Variants in CDH3 observed in about 807,000 individuals in gnomAD.
The protein encoded by CDH3 is cadherin 3, also known as cadherin-3.
A neutral mutation model predicts 82.0 loss-of-function variants in CDH3; 54 were observed. The ratio of observed to expected loss-of-function variants is 0.66; its 90% CI spans 0.53 to 0.83. The LOEUF (loss-of-function observed/expected upper bound fraction) is 0.83, where lower values mean the gene tolerates loss of function less well. Ranked by LOEUF, CDH3 falls within the 40% of genes least tolerant of loss-of-function variation. The probability of loss-of-function intolerance (pLI) is 0.00; values close to 1 mark genes in which losing one functional copy is unlikely to be tolerated. For synonymous variants in CDH3, 446 were observed against 437.9 expected (o/e 1.02, Z -0.23); for missense variants, 1,054 against 1,084.6 (o/e 0.97, Z 0.40).
At position 68,686,759 on chromosome 16, in the gene CDH3, T is replaced by A. The variant is rs988726733; in HGVS notation, c.1571-753T>A. The A allele has an allele frequency of 6.2e-6, 4 of 647,900 alleles. No homozygotes were observed. In the African/African-American group the frequency reaches 7.2e-5, roughly 12 times the overall value. The allele number at this position is 647,900 out of a possible 1,614,324, so 40.1% of individuals were successfully genotyped here. The stretch of plus-strand genomic sequence containing the variant: ...TGAAGTTCTGAAACCTTTCATCATG[T>A]AAATAATTTCCATATTTCTCTCTTA... On this transcript the variant is annotated intron_variant, in intron 11 of 15. Coordinates refer to ENST00000264012, the MANE Select transcript of CDH3 (RefSeq NM_001793.6).
Position 68,678,312 on chromosome 16 carries a change from G to T in CDH3, c.390+35G>T, listed in dbSNP as rs1468000827. 1.9e-6 allele frequency: 3 copies of T among 1,612,184 alleles called. No individual in the cohort carries two copies. The East Asian group carries it at 6.7e-5, about 36-fold the overall frequency. On this transcript the variant is annotated intron_variant, in intron 4 of 15. Transcript: ENST00000264012. The stretch of plus-strand genomic sequence containing the variant: ...TGCCTTCTCCTGGGAAGCATTGGTG[G>T]CTCCAGGGACCCCCATCCAAAGGCC...
chr16:68,670,223 C>CAAA (rs71148932), intron 2 of CDH3, among the ~76,000 whole-genome samples: 4,426 of 90,844 alleles, frequency 0.049, 232 homozygotes, highest in African/African-American at 0.13. Flanking sequence ...GACTCTGTCT[C>CAAA]AAAAAAAAAA....
intron 2 of CDH3, among the ~76,000 whole-genome samples, chr16:68,659,801 A>AC (rs1289514913): frequency 1.3e-5 from 1 of 75,548 alleles, no homozygotes; most frequent in African/African-American, 5.2e-5. Context: ...ATCCTTGTAG[A>AC]CCCTTTTTTT....
At chr16:68,723,985 C>T (rs1165499529) in intron 2 of CDH3, among the ~76,000 whole-genome samples, 6 of 150,226 alleles carry the variant, frequency 4.0e-5, no homozygotes, top group African/African-American at 2.5e-5. Context: ...AGGAGAATGG[C>T]GTGAACCCGG....
At chr16:68,659,793 C>G (rs1052541471) in intron 2 of CDH3, among the ~76,000 whole-genome samples, 1 of 123,692 alleles carries the variant, frequency 8.1e-6, no homozygotes, top group Admixed American at 9.6e-5. Context: ...TTATAAGAAT[C>G]CTTGTAGACC....
chr16:68,685,855 A>G (rs1200950869), intron 11 of CDH3, among the ~76,000 whole-genome samples: 6 of 152,014 alleles, frequency 3.9e-5, no homozygotes, highest in Non-Finnish European at 7.4e-5. Context: ...CATGATTCCA[A>G]TTTCCCTAAA....
At chr16:68,729,018 T>C (rs554368095), downstream of CDH3, among the ~76,000 whole-genome samples, 3 of 152,178 alleles carry the variant, frequency 2.0e-5, no homozygotes, top group East Asian at 5.8e-4. Context: ...AAAAACAAAA[T>C]GCAGGGCTGG....
At position 68,695,266 on chromosome 16, in the gene CDH3, G is replaced by C; in HGVS notation, c.2014G>C (p.Val672Leu). 1 of 1,614,118 alleles carries C rather than the reference G, an allele frequency of 6.2e-7. No homozygotes were observed. Among genetic ancestry groups the C allele is most frequent in the Non-Finnish European group, 8.5e-7 (1 of 1,180,032 alleles). ...CCCAACCCTTGCAGTCCTCCTGCTG[G>C]TGCTGCTTTTGTTGGTGAGAAAGAA... is the stretch of plus-strand genomic sequence containing the variant. ...AVLALLFLLL[V>L]LLLLVRKKRK... Residue 672 changes from valine to leucine, a missense_variant, in exon 14 of 16, where the codon GTG (valine) becomes CTG (leucine). By Grantham distance (32) the Val-to-Leu change is conservative. Transcript: ENST00000264012.
chr16:68,652,628 C>G (rs988217921), intron 2 of CDH3, among the ~76,000 whole-genome samples: 2 of 152,066 alleles, frequency 1.3e-5, no homozygotes, highest in Admixed American at 1.3e-4. Flanking sequence ...GTGTGCAGCC[C>G]GATGAACATC....
intron 12 of CDH3, among the ~76,000 whole-genome samples, chr16:68,688,740 G>A (rs1013161154): frequency 4.6e-5 from 7 of 152,092 alleles, no homozygotes; most frequent in African/African-American, 1.2e-4. Flanking sequence ...AATTATCCCT[G>A]CCTGAGTAGC....
Position 68,649,624 on chromosome 16 carries a change from G to A in CDH3, c.160+3874G>A, listed in dbSNP as rs1007338921. 2.6e-5 allele frequency among the ~76,000 whole-genome samples: 4 copies of A among 152,290 alleles called. No individual in the cohort carries two copies. In the East Asian group the frequency reaches 5.8e-4, roughly 22 times the overall value. Reference sequence around the variant, plus strand: ...GTTTCACATTATCTCACGGTGCAGGGCCCCTGGGTAAGGGGGGTCCCTGTG... The same window carrying A: ...GTTTCACATTATCTCACGGTGCAGGACCCCTGGGTAAGGGGGGTCCCTGTG... On this transcript the variant is annotated intron_variant, in intron 2 of 15. Transcript: ENST00000264012.
chr16:68,705,958 G>A (rs563254839), intron 1 of CDH3, among the ~76,000 whole-genome samples: 3 of 150,930 alleles, frequency 2.0e-5, no homozygotes, highest in Admixed American at 6.6e-5. Context: ...CCAGCTACTC[G>A]GGAGGCTGAG....
chr16:68,650,757 G>A (rs1960218443), intron 2 of CDH3, among the ~76,000 whole-genome samples: 1 of 152,088 alleles, frequency 6.6e-6, no homozygotes, highest in African/African-American at 2.4e-5. Context: ...TCAGTCCATA[G>A]CCTGGACGTG....
intron 3 of CDH3, among the ~76,000 whole-genome samples, chr16:68,676,856 T>A (rs1430346899): frequency 6.6e-6 from 1 of 152,194 alleles, no homozygotes; most frequent in African/African-American, 2.4e-5. Context: ...AAGATACATC[T>A]GGGGTGCTTG....
rs571014742 is a variant in CDH3, at chr16:68,727,238, C to A, written c.*131C>A. Among the ~76,000 whole-genome samples, 32 of 152,314 alleles carry A rather than the reference C, an allele frequency of 2.1e-4. 1 individual carries two copies. The highest frequency in any genetic ancestry group is 7.5e-4 in the African/African-American group (31 of 41,576). On this transcript the variant is annotated 3_prime_UTR_variant, in exon 3 of 3. Coordinates refer to the CDH3 transcript ENST00000569080. ...CTCTGGGATTTGTACCAGCAGCCCC[C>A]CAGTGTTCTCAGGCCTTCAGCCTGG...
intron 2 of CDH3, among the ~76,000 whole-genome samples, chr16:68,650,070 G>T (rs1020376134): frequency 5.9e-5 from 9 of 151,924 alleles, no homozygotes; most frequent in African/African-American, 2.2e-4. Context: ...ACAGTAGGGG[G>T]TAGTTAGCAT....
intron 1 of CDH3, among the ~76,000 whole-genome samples, chr16:68,719,102 C>T (rs562172010): frequency 8.6e-5 from 13 of 151,656 alleles, no homozygotes; most frequent in African/African-American, 2.4e-4. Context: ...ATTAGCTGGG[C>T]GTGGTGGTGC....
chr16:68,717,928 C>T (rs1481435100), intron 1 of CDH3, among the ~76,000 whole-genome samples: 3 of 152,164 alleles, frequency 2.0e-5, no homozygotes, highest in Non-Finnish European at 2.9e-5. Context: ...CAGTCTTGGA[C>T]TTCCCAGACT....
intron 2 of CDH3, among the ~76,000 whole-genome samples, chr16:68,661,752 G>A (rs182435675): frequency 2.0e-5 from 3 of 152,162 alleles, no homozygotes; most frequent in Admixed American, 1.3e-4. Flanking sequence ...TCAATGGCGC[G>A]ATCTCAGCTC....
Sources: allele counts gnomAD v4.1 joint callset (sites outside exome capture counted in the v4.1 genomes callset), GRCh38; gene constraint gnomAD v4.1.1; transcripts MANE v1.5; gene names NCBI Gene and HGNC (gene_info 2026-07-23, HGNC 2026-07-21).